Variants in SPRED2 observed in about 807,000 individuals in gnomAD.
The protein encoded by SPRED2 is sprouty-related, EVH1 domain-containing protein 2.
In SPRED2, 47 loss-of-function variants were observed where a neutral mutation model predicts 43.0. The ratio of observed to expected loss-of-function variants is 1.09; its 90% CI spans 0.87 to 1.40. The LOEUF is 1.40. Among genes scored for constraint, SPRED2 ranks in the 40% most tolerant of loss-of-function variants. SPRED2 has a pLI of 0.00. For synonymous variants in SPRED2, 225 were observed against 225.7 expected, an observed-to-expected ratio of 1.00 and a Z score of 0.03; for missense variants, 561 against 586.4, an observed-to-expected ratio of 0.96 and a Z score of 0.45.
chr2:65,354,114 G>A (rs549611526), intron 1 of SPRED2, among the ~76,000 whole-genome samples: 1 of 152,354 alleles, frequency 6.6e-6, no homozygotes, highest in African/African-American at 2.4e-5. Context: ...GAGCCTTTGA[G>A]GAAGTAGTTG....
chr2:65,426,545 A>G (rs1003041753), intron 1 of SPRED2, among the ~76,000 whole-genome samples: 6 of 152,204 alleles, frequency 3.9e-5, no homozygotes, highest in Non-Finnish European at 7.3e-5. Flanking sequence ...TGAAATAATA[A>G]TTGCCATGTA....
At position 65,418,721 on chromosome 2, in the gene SPRED2, GT is replaced by G. The variant is rs537050878; in HGVS notation, c.26+13240del. Among the ~76,000 whole-genome samples, 76 of 151,792 alleles carry G rather than the reference GT, an allele frequency of 5.0e-4. 1 individual carries two copies. The highest frequency in any genetic ancestry group is 1.8e-3 in the African/African-American group (75 of 41,402). On this transcript the variant is annotated intron_variant, in intron 1 of 5. Coordinates refer to ENST00000356388, the MANE Select transcript of SPRED2 (RefSeq NM_181784.3). ...CATGCACGCCACCACGCCCAGCTAA[GT>G]TTTTGTATTTTTAGTAGAGATGGGA...
At chr2:65,362,904 G>A (rs1262766658) in intron 1 of SPRED2, among the ~76,000 whole-genome samples, 1 of 150,856 alleles carries the variant, frequency 6.6e-6, no homozygotes, top group East Asian at 2.0e-4. Flanking sequence ...GGCTGGGCAC[G>A]GTGGCTCATG....
rs1673104354 is a variant in SPRED2, at chr2:65,312,741, T to C, written c.*760A>G. On this transcript the variant is annotated 3_prime_UTR_variant, in exon 6 of 6. Coordinates refer to ENST00000356388, the MANE Select transcript of SPRED2 (RefSeq NM_181784.3). ...AGAGGATGCAATGCAGTTGAAGGAA[T>C]TTTCCTGATTCTCACAAGTTAATCT... The C allele has an allele frequency of 1.0e-6, 1 of 985,836 alleles. No individual in the cohort carries two copies. The highest frequency in any genetic ancestry group is 1.2e-6 in the Non-Finnish European group (1 of 829,920). 61.1% of individuals were successfully genotyped at this position (985,836 alleles called of 1,614,324 possible). A position where few individuals can be genotyped will look rare whatever the true frequency, so the allele number is the denominator to read the frequency against.
downstream of SPRED2, among the ~76,000 whole-genome samples, chr2:65,309,591 A>G (rs564826944): frequency 6.9e-6 from 1 of 145,870 alleles, no homozygotes; most frequent in African/African-American, 2.5e-5. Flanking sequence ...GGACTTGAGC[A>G]TCTGTGGATT....
chr2:65,372,422 G>T (rs1301990755), intron 1 of SPRED2, among the ~76,000 whole-genome samples: 3 of 152,166 alleles, frequency 2.0e-5, no homozygotes, highest in African/African-American at 7.2e-5. Flanking sequence ...GGAAGAGCCG[G>T]GGGCTTGATT....
chr2:65,388,731 C>A (rs1675563683), intron 1 of SPRED2, among the ~76,000 whole-genome samples: 2 of 152,116 alleles, frequency 1.3e-5, no homozygotes, highest in South Asian at 2.1e-4. Flanking sequence ...CACACACACA[C>A]CCCAACTAAA....
chr2:65,361,687 A>C (rs2104315768), intron 1 of SPRED2, among the ~76,000 whole-genome samples: 1 of 152,360 alleles, frequency 6.6e-6, no homozygotes, highest in Admixed American at 6.5e-5. Flanking sequence ...GTTTTTTAAT[A>C]TTACTCAAAG....
intron 1 of SPRED2, among the ~76,000 whole-genome samples, chr2:65,380,970 C>CT (rs1675360119): frequency 1.3e-5 from 2 of 152,070 alleles, no homozygotes; most frequent in Non-Finnish European, 2.9e-5. Context: ...TTTATGTGTC[C>CT]TCTTTAATTC....
intron 4 of SPRED2, among the ~76,000 whole-genome samples, chr2:65,328,435 C>G (rs1400409087): frequency 6.6e-6 from 1 of 152,176 alleles, no homozygotes; most frequent in African/African-American, 2.4e-5. Flanking sequence ...TCTGGGACAG[C>G]AGAGTGTGGA....
At chr2:65,402,597 AGAAGGGGGTAGGATT>A (rs1252689398) in intron 1 of SPRED2, among the ~76,000 whole-genome samples, 2 of 152,172 alleles carry the variant, frequency 1.3e-5, no homozygotes, top group Non-Finnish European at 2.9e-5. Flanking sequence ...GAGGGAAAGG[AGAAGGGGGTAGGATT>A]GAGCCCCTGG....
intron 1 of SPRED2, among the ~76,000 whole-genome samples, chr2:65,347,259 C>T (rs569822092): frequency 2.6e-5 from 4 of 152,234 alleles, no homozygotes; most frequent in African/African-American, 9.6e-5. Flanking sequence ...GGCATGACCC[C>T]AGTGGAGTTA....
At chr2:65,362,091 C>T (rs775578628) in intron 1 of SPRED2, among the ~76,000 whole-genome samples, 1 of 152,178 alleles carries the variant, frequency 6.6e-6, no homozygotes, top group Non-Finnish European at 1.5e-5. Context: ...AGATAGTAAT[C>T]TTGCTGTAGT....
intron 1 of SPRED2, among the ~76,000 whole-genome samples, chr2:65,408,669 C>T (rs912041259): frequency 1.3e-5 from 2 of 151,988 alleles, no homozygotes; most frequent in African/African-American, 4.8e-5. Flanking sequence ...CAACCTCTGC[C>T]TTCTGGGATC....
At chr2:65,411,751 A>T (rs1676165279) in intron 1 of SPRED2, among the ~76,000 whole-genome samples, 1 of 152,198 alleles carries the variant, frequency 6.6e-6, no homozygotes, top group South Asian at 2.1e-4. Flanking sequence ...CATACTCAGG[A>T]ACTATTAAAA....
chr2:65,315,207 A>G (rs1204089168), intron 5 of SPRED2, among the ~76,000 whole-genome samples: 1 of 146,012 alleles, frequency 6.8e-6, no homozygotes, highest in Admixed American at 6.7e-5. Context: ...TCAGGGGTTG[A>G]GGAACGTGGC....
Position 65,311,150 on chromosome 2 carries a change from A to G in SPRED2, c.*2351T>C, listed in dbSNP as rs779999182. On this transcript the variant is annotated 3_prime_UTR_variant, in exon 6 of 6. Coordinates refer to ENST00000356388, the MANE Select transcript of SPRED2 (RefSeq NM_181784.3). ...ATCTTTTGGTTAATGTTTTGTTACC[A>G]CAGATACAAAAATAAAATCTGAATA... 4.1e-6 allele frequency: 4 copies of G among 985,806 alleles called. No homozygotes were observed. The highest frequency in any genetic ancestry group is 4.8e-6 in the Non-Finnish European group (4 of 829,924). 61.1% of individuals were successfully genotyped at this position (985,806 alleles called of 1,614,324 possible). A position where few individuals can be genotyped will look rare whatever the true frequency, so the allele number is the denominator to read the frequency against.
At chr2:65,401,672 C>T (rs1675891411) in intron 1 of SPRED2, among the ~76,000 whole-genome samples, 3 of 151,772 alleles carry the variant, frequency 2.0e-5, no homozygotes, top group East Asian at 2.0e-4. Context: ...GTGGCGGGCG[C>T]GCCTGTAGTC....
At chr2:65,361,275 T>C (rs1674808958) in intron 1 of SPRED2, among the ~76,000 whole-genome samples, 1 of 152,228 alleles carries the variant, frequency 6.6e-6, no homozygotes, top group Non-Finnish European at 1.5e-5. Context: ...TAAGTGTAAA[T>C]GTTGGCTTTG....
Sources: gnomAD v4.1 joint callset for allele counts (sites outside exome capture counted in the v4.1 genomes callset) on GRCh38, gnomAD v4.1.1 for gene constraint, MANE v1.5 for transcripts, NCBI Gene and HGNC (gene_info 2026-07-23, HGNC 2026-07-21) for gene names.